The following GRID2 variants were observed in gnomAD, a reference collection of about 807,000 sequenced individuals.
GRID2 encodes the protein glutamate ionotropic receptor delta type subunit 2.
GRID2 carries 33 observed loss-of-function variants against 114.8 expected under a neutral mutation model. That is an observed-to-expected ratio of 0.29 (90% CI 0.22 to 0.38). The LOEUF (loss-of-function observed/expected upper bound fraction) is 0.38. Among genes scored for constraint, GRID2 ranks in the 10% least tolerant of loss-of-function variants. The pLI is 1.00. For synonymous variants in GRID2, 505 were observed against 449.9 expected, an observed-to-expected ratio of 1.12 and a Z score of -1.55; for missense variants, 1,184 against 1,257.7, an observed-to-expected ratio of 0.94 and a Z score of 0.89.
chr4:92,969,279 A>G (rs1448549010), intron 2 of GRID2, among the ~76,000 whole-genome samples: 1 of 151,706 alleles, frequency 6.6e-6, no homozygotes. Flanking sequence ...TATTATAAAT[A>G]ATCCACAATG....
chr4:92,583,108 C>T (rs1560471789), intron 1 of GRID2, among the ~76,000 whole-genome samples: 1 of 151,958 alleles, frequency 6.6e-6, no homozygotes, highest in Non-Finnish European at 1.5e-5. Context: ...TGCTAAGAAA[C>T]TGAGAGCTGT....
At chr4:93,733,879 C>A (rs558137024) in intron 14 of GRID2, among the ~76,000 whole-genome samples, 4 of 152,074 alleles carry the variant, frequency 2.6e-5, no homozygotes, top group Middle Eastern at 3.4e-3. Flanking sequence ...TAGGAATGCC[C>A]CAGGCCACAG....
chr4:92,409,638 TA>T (rs1731201708), intron 1 of GRID2, among the ~76,000 whole-genome samples: 1 of 152,176 alleles, frequency 6.6e-6, no homozygotes, highest in Non-Finnish European at 1.5e-5. Context: ...CAATAATAAG[TA>T]AACTAATGTT....
downstream of GRID2, among the ~76,000 whole-genome samples, chr4:93,777,915 C>G (rs1024748441): frequency 6.6e-6 from 1 of 152,086 alleles, no homozygotes. Flanking sequence ...ATTAAGTAGC[C>G]TACTTAAGTG....
chr4:93,085,293 A>T lies in GRID2; in HGVS notation c.529+14A>T. 1 of 1,596,168 alleles carries T rather than the reference A, an allele frequency of 6.3e-7. No individual in the cohort carries two copies. Among genetic ancestry groups the T allele is most frequent in the Non-Finnish European group, 8.6e-7 (1 of 1,164,274 alleles). Reference sequence around the variant, plus strand: ...ATAGTGAATACGGTAAGTGTTTATAATTTGTTTAGGTTTTGTAAGCTGATA... The same window carrying T: ...ATAGTGAATACGGTAAGTGTTTATATTTTGTTTAGGTTTTGTAAGCTGATA... On this transcript the variant is annotated intron_variant, in intron 3 of 15. Coordinates refer to ENST00000282020, the MANE Select transcript of GRID2 (RefSeq NM_001510.4).
At chr4:93,234,543 A>G (rs1746537872) in intron 7 of GRID2, among the ~76,000 whole-genome samples, 1 of 151,970 alleles carries the variant, frequency 6.6e-6, no homozygotes, top group Non-Finnish European at 1.5e-5. Context: ...GTGTATATGT[A>G]TATATGCAAA....
chr4:92,469,072 A>G (rs776164543), intron 1 of GRID2, among the ~76,000 whole-genome samples: 6 of 152,248 alleles, frequency 3.9e-5, no homozygotes, highest in Middle Eastern at 6.8e-3. Context: ...GTTTTTAATT[A>G]CTTAATTTCT....
At chr4:93,589,846 GTCT>G (rs1737995087) in intron 13 of GRID2, among the ~76,000 whole-genome samples, 1 of 151,886 alleles carries the variant, frequency 6.6e-6, no homozygotes, top group Non-Finnish European at 1.5e-5. Context: ...CTGCATAAAT[GTCT>G]TCTTTTGAGA....
At chr4:93,761,029 A>G (rs1733163353) in intron 14 of GRID2, among the ~76,000 whole-genome samples, 1 of 152,196 alleles carries the variant, frequency 6.6e-6, no homozygotes, top group African/African-American at 2.4e-5. Flanking sequence ...CAATATAATC[A>G]GAAAACCAAA....
chr4:93,681,745 G>T (rs146234927), intron 14 of GRID2, among the ~76,000 whole-genome samples: 6,255 of 152,232 alleles, frequency 0.041, 421 homozygotes, highest in African/African-American at 0.14. Context: ...AGCTGAAACT[G>T]GATCCCTTCC....
chr4:93,645,423 GC>G (rs763625586), intron 14 of GRID2, among the ~76,000 whole-genome samples: 2 of 152,110 alleles, frequency 1.3e-5, no homozygotes, highest in Non-Finnish European at 2.9e-5. Flanking sequence ...TGAGAGAGAG[GC>G]TGGAGCGATG....
intron 4 of GRID2, among the ~76,000 whole-genome samples, chr4:93,122,557 C>T (rs752416832): frequency 6.6e-6 from 1 of 152,032 alleles, no homozygotes; most frequent in Non-Finnish European, 1.5e-5. Flanking sequence ...CACAAAAGTT[C>T]GTGATGCTGG....
At chr4:92,477,810 TATAATTAAA>T (rs1248733162) in intron 1 of GRID2, among the ~76,000 whole-genome samples, 3 of 147,334 alleles carry the variant, frequency 2.0e-5, no homozygotes, top group Non-Finnish European at 4.5e-5. Flanking sequence ...AATACATTAA[TATAATTAAA>T]ATAATATATA....
At chr4:93,214,503 T>G (rs894432805) in intron 5 of GRID2, among the ~76,000 whole-genome samples, 3 of 152,072 alleles carry the variant, frequency 2.0e-5, no homozygotes, top group African/African-American at 7.2e-5. Context: ...GTTTTTGAGA[T>G]CACATGTCAA....
chr4:92,630,706 T>G (rs575525633), intron 2 of GRID2, among the ~76,000 whole-genome samples: 49 of 151,946 alleles, frequency 3.2e-4, no homozygotes, highest in Non-Finnish European at 6.0e-4. Context: ...ATTAATAGTT[T>G]GTCAGTTTCC....
chr4:93,687,875 A>T (rs1726213619), intron 14 of GRID2, among the ~76,000 whole-genome samples: 1 of 152,004 alleles, frequency 6.6e-6, no homozygotes, highest in Admixed American at 6.6e-5. Context: ...ATTATGTATG[A>T]ATTCTAATGG....
chr4:93,067,548 C>T (rs1021797225), intron 2 of GRID2, among the ~76,000 whole-genome samples: 2 of 151,972 alleles, frequency 1.3e-5, no homozygotes, highest in African/African-American at 4.8e-5. Flanking sequence ...CTCCCAAAGA[C>T]CCTACATCTT....
intron 2 of GRID2, among the ~76,000 whole-genome samples, chr4:92,722,880 TATA>T (rs1048532249): frequency 1.9e-5 from 1 of 53,894 alleles, no homozygotes; most frequent in Non-Finnish European, 3.4e-5. Flanking sequence ...ATTGAACATT[TATA>T]ATAATAATAG....
intron 11 of GRID2, among the ~76,000 whole-genome samples, chr4:93,458,413 T>C (rs189753781): frequency 6.6e-6 from 1 of 152,306 alleles, no homozygotes; most frequent in Admixed American, 6.5e-5. Context: ...ATGCGGTCTG[T>C]GGGCTAGTGG....
Sources: gnomAD v4.1 joint callset for allele counts (sites outside exome capture counted in the v4.1 genomes callset) on GRCh38, gnomAD v4.1.1 for gene constraint, MANE v1.5 for transcripts, NCBI Gene and HGNC (gene_info 2026-07-23, HGNC 2026-07-21) for gene names.